Variants in EXO1 observed in about 807,000 individuals in gnomAD.
EXO1 encodes exonuclease 1.
Under a neutral mutation model 84.5 loss-of-function variants are expected in EXO1, and 69 were observed. The ratio of observed to expected loss-of-function variants is 0.82; its 90% CI spans 0.67 to 1.00. The LOEUF (loss-of-function observed/expected upper bound fraction) is 1.00. Ranked by LOEUF, EXO1 falls within the 50% of genes least tolerant of loss-of-function variation. The pLI is 0.00. For synonymous variants in EXO1, 373 were observed against 366.1 expected (o/e 1.02, Z -0.21); for missense variants, 1,045 against 1,000.7 (o/e 1.04, Z -0.60).
rs570722359 is a variant in EXO1 at position 241,850,810 on chromosome 1, C to A, written c.161+224C>A. Among the ~76,000 whole-genome samples, 6 of 143,844 alleles carry A rather than the reference C, an allele frequency of 4.2e-5. No homozygotes were observed. The East Asian group carries it at 8.7e-4, about 21-fold the overall frequency. 94.4% of individuals were successfully genotyped at this position (143,844 alleles called of 152,430 possible). A position where few individuals can be genotyped will look rare whatever the true frequency, so the allele number is the denominator to read the frequency against. On this transcript the variant is annotated intron_variant, in intron 4 of 15. Transcript: ENST00000366548. ...GCCAGAGTATCAAGACACTGATGGA[C>A]AAAGACTATTAATATCTCCTTTATT...
In EXO1 at chr1:241,860,510, T is replaced by G; in HGVS notation, c.757-7T>G. On this transcript the variant is annotated splice_polypyrimidine_tract_variant and splice_region_variant and intron_variant, in intron 8 of 15. Transcript: ENST00000366548. Reference sequence around the variant, plus strand: ...TGCAGATAAAATATTTTTGCATGCATTGTTAGGTTATCAAGAAAATTGGAC... The same window carrying G: ...TGCAGATAAAATATTTTTGCATGCAGTGTTAGGTTATCAAGAAAATTGGAC... 6.2e-7 allele frequency: 1 copy of G among 1,604,248 alleles called. No homozygotes were observed. Among genetic ancestry groups the G allele is most frequent in the Middle Eastern group, 1.7e-4 (1 of 6,036 alleles).
chr1:241,884,687 G>GTGCACA (rs1181863306), intron 14 of EXO1, among the ~76,000 whole-genome samples: 6 of 151,276 alleles, frequency 4.0e-5, no homozygotes, highest in South Asian at 4.2e-4. Flanking sequence ...GCACGTGCAC[G>GTGCACA]TAAGTCAGTG....
At chr1:241,882,376 T>C (rs1284271147) in intron 14 of EXO1, among the ~76,000 whole-genome samples, 1 of 152,192 alleles carries the variant, frequency 6.6e-6, no homozygotes, top group Non-Finnish European at 1.5e-5. Context: ...GAGGACATGT[T>C]CTTGATTAGT....
At position 241,889,904 on chromosome 1, in the gene EXO1, T is replaced by G. The variant is rs952731689; in HGVS notation, c.*304T>G. 1 of 350,570 alleles carries G rather than the reference T, an allele frequency of 2.9e-6. No homozygotes were observed. Among genetic ancestry groups the G allele is most frequent in the East Asian group, 6.9e-5 (1 of 14,580 alleles). The allele number at this position is 350,570 out of a possible 1,614,324, so 21.7% of individuals were successfully genotyped here. The stretch of plus-strand genomic sequence containing the variant: ...TCTACTCTAAATATTTCTGTAATGT[T>G]GTCAAGTAGAAAGATAGTAAATGGA... On this transcript the variant is annotated 3_prime_UTR_variant, in exon 16 of 16. Coordinates refer to ENST00000366548, the MANE Select transcript of EXO1 (RefSeq NM_130398.4).
intron 13 of EXO1, among the ~76,000 whole-genome samples, chr1:241,881,494 G>A (rs1662753509): frequency 6.6e-6 from 1 of 152,196 alleles, no homozygotes; most frequent in Non-Finnish European, 1.5e-5. Flanking sequence ...GAAAGTGGAT[G>A]CGTTTTTTTC....
Position 241,858,517 on chromosome 1 carries a change from G to A in EXO1, c.555G>A (p.Lys185=). Reference sequence around the variant, plus strand: ...CCTTCCTTTTGAAGGTAATTTTAAAGATGGACCAGTTTGGAAATGGACTTG... The same window carrying A: ...CCTTCCTTTTGAAGGTAATTTTAAAAATGGACCAGTTTGGAAATGGACTTG... ...LAFGCKKVIL[K]MDQFGNGLEI... Residue 185 remains lysine (K), a synonymous_variant, in exon 8 of 16, where the codon AAG becomes AAA. Transcript: ENST00000366548. 6.2e-7 allele frequency: 1 copy of A among 1,613,492 alleles called. No homozygotes were observed. The highest frequency in any genetic ancestry group is 1.7e-5 in the Admixed American group (1 of 60,020).
At chr1:241,885,847 T>C (rs78319153) in intron 15 of EXO1, among the ~76,000 whole-genome samples, 2 of 102,654 alleles carry the variant, frequency 1.9e-5, no homozygotes, top group Admixed American at 2.2e-4. Flanking sequence ...GTTTTTTGTT[T>C]TTTGTTTTTT....
At chr1:241,867,630 C>G (rs926782291) in intron 11 of EXO1, among the ~76,000 whole-genome samples, 1 of 150,262 alleles carries the variant, frequency 6.7e-6, no homozygotes, top group African/African-American at 2.4e-5. Context: ...TTTTTTTAAT[C>G]TTGTATATAT....
At chr1:241,881,131 G>A (rs183425408) in intron 13 of EXO1, among the ~76,000 whole-genome samples, 18 of 152,128 alleles carry the variant, frequency 1.2e-4, no homozygotes, top group South Asian at 1.0e-3. Flanking sequence ...GGGTTCAAGC[G>A]ATTCTCCCAC....
chr1:241,850,154 GC>G (rs1660574908), intron 3 of EXO1, among the ~76,000 whole-genome samples: 1 of 152,080 alleles, frequency 6.6e-6, no homozygotes, highest in Non-Finnish European at 1.5e-5. Context: ...GGTGGCGGGC[GC>G]CTGTAGTCCC....
At chr1:241,860,308 A>G (rs1336865822) in intron 8 of EXO1, among the ~76,000 whole-genome samples, 2 of 152,016 alleles carry the variant, frequency 1.3e-5, no homozygotes, top group Non-Finnish European at 2.9e-5. Context: ...CCTTCAAATT[A>G]GTAATAGAAA....
At chr1:241,871,895 T>C (rs1662112458) in intron 11 of EXO1, 137 bp from the exon 12 acceptor site, 1 of 644,986 alleles carries the variant, frequency 1.6e-6, no homozygotes. Context: ...CCTTATGTTT[T>C]CTTTTCTGAG....
chr1:241,882,343 C>G (rs1197462840), intron 14 of EXO1, among the ~76,000 whole-genome samples: 2 of 152,034 alleles, frequency 1.3e-5, no homozygotes, highest in East Asian at 3.8e-4. Context: ...ATACTGCAAC[C>G]AAGATCTTGT....
At chr1:241,870,739 C>G (rs1189430573) in intron 11 of EXO1, among the ~76,000 whole-genome samples, 1 of 151,842 alleles carries the variant, frequency 6.6e-6, no homozygotes, top group Non-Finnish European at 1.5e-5. Flanking sequence ...TTTTTTTGTT[C>G]GAATCTTTGT....
intron 14 of EXO1, among the ~76,000 whole-genome samples, chr1:241,883,367 C>T (rs4149985): frequency 0.012 from 1,774 of 152,206 alleles, 29 homozygotes; most frequent in African/African-American, 0.04. Context: ...AGTGAGAGCC[C>T]ACTTCCTGGT....
rs953418298 is a variant in EXO1 at position 241,885,851 on chromosome 1, GT to G, written c.2405+350del. On this transcript the variant is annotated intron_variant, in intron 15 of 15. Transcript: ENST00000366548. ...AATTTTATTTGGTTTTTTGTTTTTT[GT>G]TTTTTGTTTTTTGTTTTTTTGAGAG... is the stretch of plus-strand genomic sequence containing the variant. Among the ~76,000 whole-genome samples the G allele has an allele frequency of 1.6e-4, 16 of 99,850 alleles. No homozygotes were observed. The South Asian group carries it at 4.6e-3, about 29-fold the overall frequency. The allele number at this position is 99,850 out of a possible 152,430, so 65.5% of individuals were successfully genotyped here. A position where few individuals can be genotyped will look rare whatever the true frequency, so the allele number is the denominator to read the frequency against.
chr1:241,854,940 C>T (rs1466094327), intron 6 of EXO1, among the ~76,000 whole-genome samples: 1 of 151,780 alleles, frequency 6.6e-6, no homozygotes. Flanking sequence ...TAAGGCAGCG[C>T]GTCTGGAGTT....
chr1:241,858,480 A>G (rs774591792), intron 7 of EXO1, 26 bp from the exon 8 acceptor site: 2 of 1,515,154 alleles, frequency 1.3e-6, no homozygotes, highest in Admixed American at 1.7e-5. Flanking sequence ...CCTTCTAGGT[A>G]TTAACAATTT....
At chr1:241,866,040 CCTT>C (rs1202139523) in intron 10 of EXO1, among the ~76,000 whole-genome samples, 4 of 152,228 alleles carry the variant, frequency 2.6e-5, no homozygotes, top group African/African-American at 9.6e-5. Context: ...CTTTGGCTGT[CCTT>C]CTCTGTTAGA....
Sources: allele counts gnomAD v4.1 joint callset (sites outside exome capture counted in the v4.1 genomes callset), GRCh38; gene constraint gnomAD v4.1.1; transcripts MANE v1.5; gene names NCBI Gene and HGNC (gene_info 2026-07-23, HGNC 2026-07-21).